Variants in GALNT10 observed in about 807,000 individuals in gnomAD.
The protein encoded by GALNT10 is GalNAc transferase 10.
A neutral mutation model predicts 75.0 loss-of-function variants in GALNT10; 41 were observed. The observed-to-expected ratio is 0.55, with a 90% CI of 0.43 to 0.71. The LOEUF is 0.71. Among genes scored for constraint, GALNT10 ranks in the 30% least tolerant of loss-of-function variants. The pLI, the probability that GALNT10 is intolerant of heterozygous loss-of-function variation, is 0.00. For missense variants in GALNT10, 727 were observed against 818.5 expected, an observed-to-expected ratio of 0.89 and a Z score of 1.36; for synonymous variants, 302 against 313.0, an observed-to-expected ratio of 0.96 and a Z score of 0.37.
At chr5:154,204,893 T>C (rs549317829) in intron 1 of GALNT10, among the ~76,000 whole-genome samples, 27 of 152,324 alleles carry the variant, frequency 1.8e-4, no homozygotes, top group African/African-American at 6.0e-4. Flanking sequence ...ACCATGAGGG[T>C]AGGGACCTTG....
intron 6 of GALNT10, among the ~76,000 whole-genome samples, chr5:154,384,688 C>G (rs988976804): frequency 8.5e-5 from 13 of 152,304 alleles, no homozygotes; most frequent in African/African-American, 2.9e-4. Flanking sequence ...TTTCTCACGC[C>G]CTGTTCTTTG....
At chr5:154,233,720 G>A (rs1753200919) in intron 1 of GALNT10, among the ~76,000 whole-genome samples, 1 of 152,180 alleles carries the variant, frequency 6.6e-6, no homozygotes, top group Admixed American at 6.5e-5. Flanking sequence ...TGCCATGTTT[G>A]TGATACTGTG....
chr5:154,411,623 C>T (rs1027165485), intron 9 of GALNT10, among the ~76,000 whole-genome samples: 7 of 152,208 alleles, frequency 4.6e-5, no homozygotes, highest in African/African-American at 1.2e-4. Context: ...AGTCACAGAG[C>T]CCTTGCCTGG....
At chr5:154,191,743 G>T (rs1462380368) in intron 1 of GALNT10, among the ~76,000 whole-genome samples, 1 of 152,236 alleles carries the variant, frequency 6.6e-6, no homozygotes, top group African/African-American at 2.4e-5. Context: ...CTGGTGGGGG[G>T]ACCCCCAAAA....
At chr5:154,278,693 G>T (rs891159693) in intron 1 of GALNT10, among the ~76,000 whole-genome samples, 1 of 152,080 alleles carries the variant, frequency 6.6e-6, no homozygotes, top group Non-Finnish European at 1.5e-5. Flanking sequence ...ATAACTCCCT[G>T]TAAACAACAA....
rs1242346730 is a variant in GALNT10 at position 154,243,396 on chromosome 5, G to A, written c.160-51420G>A. On this transcript the variant is annotated intron_variant, in intron 1 of 11. Transcript: ENST00000297107. ...TTCCATCTGAGTACTATTTAACATAGGACTGCTTGCCAGGTGTACCTGGGT... is the reference window on the plus strand; with the variant it reads ...TTCCATCTGAGTACTATTTAACATAAGACTGCTTGCCAGGTGTACCTGGGT... Among the ~76,000 whole-genome samples, 4 of 152,202 alleles carry A rather than the reference G, an allele frequency of 2.6e-5. No homozygotes were observed. The East Asian group carries it at 7.7e-4, about 29-fold the overall frequency.
At chr5:154,367,642 C>T (rs994351379) in intron 4 of GALNT10, among the ~76,000 whole-genome samples, 5 of 152,114 alleles carry the variant, frequency 3.3e-5, no homozygotes, top group African/African-American at 1.2e-4. Context: ...ATCATGAGGT[C>T]GTGAGATCAA....
intron 1 of GALNT10, among the ~76,000 whole-genome samples, chr5:154,240,543 A>G (rs1272731329): frequency 1.3e-5 from 2 of 152,198 alleles, no homozygotes; most frequent in Non-Finnish European, 2.9e-5. Context: ...CATTTCTGAT[A>G]GTTTTCTGTG....
At chr5:154,265,591 A>T (rs977396612) in intron 1 of GALNT10, among the ~76,000 whole-genome samples, 1 of 152,332 alleles carries the variant, frequency 6.6e-6, no homozygotes, top group South Asian at 2.1e-4. Context: ...TGCTGTTTAT[A>T]TCCTAGCAGC....
intron 7 of GALNT10, chr5:154,393,075 A>C (rs926204287): frequency 1.3e-5 from 2 of 150,972 alleles, no homozygotes; most frequent in African/African-American, 2.4e-5. Flanking sequence ...AAAAAAAAAA[A>C]AAACCCATTT....
At chr5:154,382,210 G>C (rs767183936) in intron 6 of GALNT10, among the ~76,000 whole-genome samples, 4 of 152,224 alleles carry the variant, frequency 2.6e-5, no homozygotes, top group Non-Finnish European at 4.4e-5. Context: ...CTCAGAGGTA[G>C]AAAGAGTTGG....
chr5:154,313,049 C>A (rs1754544432), intron 3 of GALNT10, among the ~76,000 whole-genome samples: 1 of 152,078 alleles, frequency 6.6e-6, no homozygotes, highest in Non-Finnish European at 1.5e-5. Flanking sequence ...TGGCTCATGC[C>A]TTTAATCCCA....
intron 4 of GALNT10, chr5:154,347,123 G>A (rs1260456609): frequency 1.9e-6 from 1 of 515,570 alleles, no homozygotes; most frequent in Non-Finnish European, 4.0e-6. Flanking sequence ...TGTGTGCCAA[G>A]ATCTGTTCAT....
rs1291076855 is a variant in GALNT10 at position 154,416,519 on chromosome 5, G to A, written c.1654-295G>A. Among the ~76,000 whole-genome samples the A allele has an allele frequency of 3.2e-5, 2 of 62,494 alleles. No homozygotes were observed. The highest frequency in any genetic ancestry group is 6.7e-5 in the Non-Finnish European group (2 of 29,714). 41.0% of individuals were successfully genotyped at this position (62,494 alleles called of 152,430 possible). A position where few individuals can be genotyped will look rare whatever the true frequency, so the allele number is the denominator to read the frequency against. ...CACACACACACACACACACACACAC[G>A]ATAAGGACCAGTGAGGTCTGACAGG... is the stretch of plus-strand genomic sequence containing the variant. On this transcript the variant is annotated intron_variant, in intron 11 of 11. Coordinates refer to ENST00000297107, the MANE Select transcript of GALNT10 (RefSeq NM_198321.4). The surrounding 1 kb of genome is among the most constrained non-coding windows in gnomAD (Gnocchi z 4.5).
At chr5:154,378,022 G>A (rs1755682927) in intron 5 of GALNT10, among the ~76,000 whole-genome samples, 2 of 152,124 alleles carry the variant, frequency 1.3e-5, no homozygotes, top group Non-Finnish European at 2.9e-5. Flanking sequence ...AAATATATGA[G>A]GGCAGTTTTC....
intron 3 of GALNT10, among the ~76,000 whole-genome samples, chr5:154,314,501 C>G (rs1754569360): frequency 1.3e-5 from 2 of 152,030 alleles, no homozygotes. Flanking sequence ...TCAGGCTTTC[C>G]AGACTTAATA....
chr5:154,348,911 C>T (rs1755167114), intron 4 of GALNT10, among the ~76,000 whole-genome samples: 2 of 152,160 alleles, frequency 1.3e-5, no homozygotes, highest in Admixed American at 1.3e-4. Flanking sequence ...TCCAGTGTGT[C>T]TGTCCCTAGA....
In GALNT10 at chr5:154,371,565, C is replaced by T. The variant is rs1455622367; in HGVS notation, c.569-4712C>T. 1.1e-3 allele frequency among the ~76,000 whole-genome samples: 51 copies of T among 47,474 alleles called. No homozygotes were observed. In the East Asian group the frequency reaches 0.013, roughly 13 times the overall value. The allele number at this position is 47,474 out of a possible 152,430, so 31.1% of individuals were successfully genotyped here. ...GTGTGTGTGTGTGTGTGTGTGTGTA[C>T]ACACACACACACACACACGTGTGCA... is the stretch of plus-strand genomic sequence containing the variant. On this transcript the variant is annotated intron_variant, in intron 4 of 11. Transcript: ENST00000297107.
chr5:154,371,132 C>G (rs1581996479), intron 4 of GALNT10, among the ~76,000 whole-genome samples: 1 of 152,180 alleles, frequency 6.6e-6, no homozygotes, highest in East Asian at 1.9e-4. Context: ...TCTGGTATTG[C>G]TGGCAAGCCT....
Sources: gnomAD v4.1 joint callset for allele counts (sites outside exome capture counted in the v4.1 genomes callset) on GRCh38, gnomAD v4.1.1 for gene constraint, Gnocchi (gnomAD v3.1) non-coding constraint, MANE v1.5 for transcripts, NCBI Gene and HGNC (gene_info 2026-07-23, HGNC 2026-07-21) for gene names.